Variants in DNAH3 observed in about 807,000 individuals in gnomAD.
DNAH3 encodes dynein axonemal heavy chain 3.
DNAH3 carries 332 observed loss-of-function variants against 432.5 expected under a neutral mutation model. The ratio of observed to expected loss-of-function variants is 0.77; its 90% CI spans 0.70 to 0.84. DNAH3 has a LOEUF of 0.84. Among genes scored for constraint, DNAH3 ranks in the 40% least tolerant of loss-of-function variants. The probability of loss-of-function intolerance (pLI) is 0.00; values close to 1 mark genes in which losing one functional copy is unlikely to be tolerated. For synonymous variants in DNAH3, 1,956 were observed against 1,900.2 expected (o/e 1.03, Z -0.76); for missense variants, 4,861 against 5,114.0 (o/e 0.95, Z 1.51).
At chr16:21,081,521 C>A (rs1300974255) in intron 20 of DNAH3, 115 bp downstream of exon 20, 5 of 768,828 alleles carry the variant, frequency 6.5e-6, no homozygotes, top group Non-Finnish European at 8.5e-6. Flanking sequence ...CTTAAGCCAC[C>A]CTACGCCACA....
At chr16:21,041,727 G>A (rs930083025) in intron 32 of DNAH3, among the ~76,000 whole-genome samples, 3 of 152,048 alleles carry the variant, frequency 2.0e-5, no homozygotes, top group African/African-American at 4.8e-5. Flanking sequence ...TGAGTGCAAC[G>A]GCGCTATCTC....
At chr16:20,988,415 T>G (rs1250293371) in intron 44 of DNAH3, among the ~76,000 whole-genome samples, 1 of 152,110 alleles carries the variant, frequency 6.6e-6, no homozygotes, top group Non-Finnish European at 1.5e-5. Context: ...CATGTTGTAT[T>G]ATATTACATT....
At chr16:20,933,601 C>T (rs2083486683) in intron 61 of DNAH3, 94 bp from the exon 62 acceptor site, 2 of 1,009,866 alleles carry the variant, frequency 2.0e-6, no homozygotes, top group Non-Finnish European at 2.9e-6. Flanking sequence ...CAAAGTGCAA[C>T]CTGGTTGCAA....
At chr16:21,104,677 G>T in intron 15 of DNAH3, 83 bp from the exon 16 acceptor site, 1 of 776,506 alleles carries the variant, frequency 1.3e-6, no homozygotes. Flanking sequence ...GACAGAACAA[G>T]AGGTCAACAG....
At chr16:21,134,136 T>TG in intron 7 of DNAH3, 123 bp downstream of exon 8, 5 of 969,952 alleles carry the variant, frequency 5.2e-6, no homozygotes, top group Non-Finnish European at 7.5e-6. Flanking sequence ...TTGGCCTAGA[T>TG]TTTTTTTTCT....
chr16:20,979,613 G>C, intron 49 of DNAH3, 67 bp from the exon 50 acceptor site: 1 of 1,419,958 alleles, frequency 7.0e-7, no homozygotes, highest in Admixed American at 1.7e-5. Context: ...TACAGCTTTA[G>C]TTATAGACAT....
intron 51 of DNAH3, among the ~76,000 whole-genome samples, chr16:20,970,201 G>A (rs2085274757): frequency 6.6e-6 from 1 of 152,136 alleles, no homozygotes; most frequent in South Asian, 2.1e-4. Context: ...GCTGTGGTCT[G>A]GATGTCCCGA....
intron 50 of DNAH3, among the ~76,000 whole-genome samples, 178 bp downstream of exon 50, chr16:20,979,152 T>C (rs1017943573): frequency 2.0e-5 from 3 of 152,128 alleles, no homozygotes; most frequent in African/African-American, 7.2e-5. Flanking sequence ...ATCAAAATCT[T>C]AAAGACAGGA....
chr16:21,031,181 A>G, exon 37 of DNAH3: 1 of 1,614,184 alleles, frequency 6.2e-7, no homozygotes, highest in Non-Finnish European at 8.5e-7. Context: ...GACACCATCC[A>G]TCCACTCGTG....
At chr16:21,036,327 AAAAC>A (rs752666325) in intron 35 of DNAH3, among the ~76,000 whole-genome samples, 17 of 152,276 alleles carry the variant, frequency 1.1e-4, no homozygotes, top group African/African-American at 2.2e-4. Flanking sequence ...CTGCATCTCA[AAAAC>A]AAACAAACAA....
chr16:21,153,076 C>G (rs915263840), intron 1 of DNAH3, among the ~76,000 whole-genome samples: 2 of 152,230 alleles, frequency 1.3e-5, no homozygotes, highest in South Asian at 2.1e-4. Flanking sequence ...CTGATGGGGA[C>G]GTGGAGAACC....
At chr16:21,084,805 A>G (rs1444915657) in intron 19 of DNAH3, among the ~76,000 whole-genome samples, 3 of 152,032 alleles carry the variant, frequency 2.0e-5, no homozygotes, top group Non-Finnish European at 4.4e-5. Context: ...CACATACAAG[A>G]ATAGCATCAT....
chr16:21,147,108 T>C (rs2092794845), intron 1 of DNAH3, among the ~76,000 whole-genome samples: 1 of 152,164 alleles, frequency 6.6e-6, no homozygotes, highest in Admixed American at 6.5e-5. Flanking sequence ...GATTCCCTTC[T>C]ATGAGCAAAT....
chr16:20,941,997 G>A (rs763836032), intron 58 of DNAH3, among the ~76,000 whole-genome samples: 3 of 151,846 alleles, frequency 2.0e-5, no homozygotes, highest in East Asian at 3.9e-4. Flanking sequence ...CCCAGGAGGC[G>A]GATGTTGCAG....
chr16:21,141,813 G>A (rs2092722835), intron 3 of DNAH3, among the ~76,000 whole-genome samples: 1 of 152,204 alleles, frequency 6.6e-6, no homozygotes, highest in South Asian at 2.1e-4. Context: ...TACTTTGGGA[G>A]GCTAAGGCAG....
chr16:21,019,422 A>C (rs1339791178), intron 41 of DNAH3: 8 of 639,692 alleles, frequency 1.3e-5, no homozygotes, highest in African/African-American at 3.7e-5. Flanking sequence ...AGCCTCCCAA[A>C]GTGCTGGGAT....
At chr16:20,936,509 A>G in intron 60 of DNAH3, 140 bp downstream of exon 60, 1 of 735,818 alleles carries the variant, frequency 1.4e-6, no homozygotes, top group Non-Finnish European at 2.2e-6. Flanking sequence ...TAACTCCAGG[A>G]AGACTGTTTC....
exon 30 of DNAH3, chr16:21,049,953 T>G: frequency 6.2e-7 from 1 of 1,614,194 alleles, no homozygotes; most frequent in Non-Finnish European, 8.5e-7. Flanking sequence ...GGTTTCTGTC[T>G]TGCCAGTCCC....
At chr16:20,959,439 G>C (rs776716508) in intron 53 of DNAH3, 35 bp from the exon 54 acceptor site, 1 of 1,592,162 alleles carries the variant, frequency 6.3e-7, no homozygotes, top group Non-Finnish European at 8.6e-7. Context: ...TTTGAAAGAC[G>C]ACAGGCCAGC....
Sources: gnomAD v4.1 joint callset for allele counts (sites outside exome capture counted in the v4.1 genomes callset) on GRCh38, gnomAD v4.1.1 for gene constraint, MANE v1.5 for transcripts, NCBI Gene and HGNC (gene_info 2026-07-23, HGNC 2026-07-21) for gene names.